Variants in LRRN2 observed in about 807,000 individuals in gnomAD.
LRRN2 encodes the protein leucine-rich repeat neuronal protein 2.
In LRRN2, 10 loss-of-function variants were observed where a neutral mutation model predicts 35.7. The ratio of observed to expected loss-of-function variants is 0.28; its 90% CI spans 0.17 to 0.47. LRRN2 has a LOEUF of 0.47. Ranked by LOEUF, LRRN2 falls within the 20% of genes least tolerant of loss-of-function variation. The pLI is 0.99. For synonymous variants in LRRN2, 391 were observed against 409.6 expected, an observed-to-expected ratio of 0.95 and a Z score of 0.55; for missense variants, 731 against 940.3, an observed-to-expected ratio of 0.78 and a Z score of 2.91.
At chr1:204,624,420 C>T (rs1010173248) in intron 1 of LRRN2, among the ~76,000 whole-genome samples, 5 of 152,142 alleles carry the variant, frequency 3.3e-5, no homozygotes, top group African/African-American at 1.2e-4. Flanking sequence ...GCCCTAGAGC[C>T]GTATTCCAAG....
In LRRN2 at chr1:204,618,377, TA is replaced by T; in HGVS notation, c.1615del (p.Tyr539IlefsTer87). On this transcript the variant is annotated frameshift_variant, in exon 2 of 2. Transcript: ENST00000367177. LOFTEE classifies it high-confidence loss of function. ...LELRVQETHP[Y>X]HILLSWVTPP... ...GGTGACCCAAGATAGCAGGATGTGATAGGGGTGGGTCTCCTGCACCCGGAGC... is the reference window on the plus strand; with the variant it reads ...GGTGACCCAAGATAGCAGGATGTGATGGGGTGGGTCTCCTGCACCCGGAGC... The T allele has an allele frequency of 1.2e-6, 2 of 1,608,652 alleles. No individual in the cohort carries two copies. Among genetic ancestry groups the T allele is most frequent in the Non-Finnish European group, 8.5e-7 (1 of 1,176,668 alleles).
chr1:204,657,334 GTA>G (rs79698374), intron 1 of LRRN2, among the ~76,000 whole-genome samples: 19 of 124,932 alleles, frequency 1.5e-4, no homozygotes, highest in Admixed American at 3.9e-4. Context: ...CTATATATAT[GTA>G]TATATACACA....
intron 1 of LRRN2, among the ~76,000 whole-genome samples, chr1:204,671,438 T>TGTGTGTGTGTGTG (rs71147711): frequency 1.3e-5 from 2 of 148,778 alleles, no homozygotes; most frequent in African/African-American, 2.5e-5. Context: ...TGTGTGTGTG[T>TGTGTGTGTGTGTG]CCCAGCGGGT....
At chr1:204,621,381 C>T (rs1312770979) in intron 1 of LRRN2, 2 of 167,260 alleles carry the variant, frequency 1.2e-5, no homozygotes, top group Admixed American at 6.5e-5. Context: ...TTCTTCAACG[C>T]TCAACTTTAA....
intron 1 of LRRN2, among the ~76,000 whole-genome samples, chr1:204,630,619 T>G (rs1571642085): frequency 6.6e-6 from 1 of 151,382 alleles, no homozygotes; most frequent in Non-Finnish European, 1.5e-5. Context: ...GAGGCCCGGG[T>G]TTGTCTTTCC....
At chr1:204,635,633 G>A (rs775056123) in intron 1 of LRRN2, among the ~76,000 whole-genome samples, 2 of 152,194 alleles carry the variant, frequency 1.3e-5, no homozygotes, top group Non-Finnish European at 2.9e-5. Flanking sequence ...TCCCAGAACC[G>A]TTCATCTTAA....
chr1:204,619,630 G>C lies in LRRN2; in HGVS notation c.363C>G (p.Ser121Arg). The change falls in exon 2 of 2, where the codon AGC becomes AGG. Residue 121 changes from serine (S) to arginine (R), a missense_variant. Coordinates refer to ENST00000367177, the MANE Select transcript of LRRN2 (RefSeq NM_201630.2). ...CDFHALPQLL[S>R]LHLEENQLTR... ...TCAGCTGGTTCTCCTCTAGGTGCAGGCTCAGCAGCTGGGGCAGGGCATGGA... is the reference window on the plus strand; with the variant it reads ...TCAGCTGGTTCTCCTCTAGGTGCAGCCTCAGCAGCTGGGGCAGGGCATGGA... The C allele has an allele frequency of 6.2e-7, 1 of 1,614,222 alleles. No individual in the cohort carries two copies. Among genetic ancestry groups the C allele is most frequent in the South Asian group, 1.1e-5 (1 of 91,084 alleles).
chr1:204,644,656 G>T (rs543637385), intron 1 of LRRN2, among the ~76,000 whole-genome samples: 10 of 152,154 alleles, frequency 6.6e-5, no homozygotes, highest in Non-Finnish European at 1.2e-4. Context: ...CCCTAGTTTA[G>T]CATGAGCCAT....
rs369686045 is a variant in LRRN2, at chr1:204,619,241, C to T, written c.752G>A (p.Arg251Gln). 2.9e-5 allele frequency: 46 copies of T among 1,613,996 alleles called. No homozygotes were observed. The highest frequency in any genetic ancestry group is 5.3e-5 in the African/African-American group (4 of 74,924). The change falls in exon 2 of 2, where the codon CGG (arginine) becomes CAG (glutamine). Residue 251 changes from arginine (R) to glutamine (Q), a missense_variant. This residue lies in a region of LRRN2 where 256 missense variants were observed against 392.4 expected (regional missense o/e 0.65). Transcript: ENST00000367177. ...CTGTTCCAGTGCCCGCCTGGGCACC[C>T]GGGCCAGCTGGTTGTCATAGAAGGA... ...SLSFYDNQLA[R>Q]VPRRALEQVP...
rs146616064 is a variant in LRRN2, at chr1:204,624,543, T to C, written c.-226-4325A>G. 1.5e-3 allele frequency among the ~76,000 whole-genome samples: 223 copies of C among 152,354 alleles called. 3 individuals are homozygous for C. Among genetic ancestry groups the C allele is most frequent in the Middle Eastern group, 3.4e-3 (1 of 294 alleles). Reference sequence around the variant, plus strand: ...CTGTTTCTGTGGATTTAGCGGAAACTGTGGAATTAATCCACAATGCCCCTG... The same window carrying C: ...CTGTTTCTGTGGATTTAGCGGAAACCGTGGAATTAATCCACAATGCCCCTG... On this transcript the variant is annotated intron_variant, in intron 1 of 1. Transcript: ENST00000367177.
chr1:204,620,112 T>A lies in LRRN2; in HGVS notation c.-120A>T. 6.8e-7 allele frequency: 1 copy of A among 1,476,072 alleles called. No individual in the cohort carries two copies. Among genetic ancestry groups the A allele is most frequent in the Non-Finnish European group, 9.0e-7 (1 of 1,111,858 alleles). The allele number at this position is 1,476,072 out of a possible 1,614,324, so 91.4% of individuals were successfully genotyped here. ...CCAAGGAACCACCCTCCCAGGGCAGTCATTCTACACCGGGCGTCACTTCTT... is the reference window on the plus strand; with the variant it reads ...CCAAGGAACCACCCTCCCAGGGCAGACATTCTACACCGGGCGTCACTTCTT... On this transcript the variant is annotated 5_prime_UTR_variant, in exon 2 of 2. Transcript: ENST00000367177.
chr1:204,644,962 T>C (rs1024222053), intron 1 of LRRN2, among the ~76,000 whole-genome samples: 1 of 152,180 alleles, frequency 6.6e-6, no homozygotes, highest in Non-Finnish European at 1.5e-5. Context: ...AGAGGACTGA[T>C]AGGCTCATCC....
chr1:204,631,711 G>T (rs1386647218), intron 1 of LRRN2, among the ~76,000 whole-genome samples: 1 of 152,084 alleles, frequency 6.6e-6, no homozygotes, highest in African/African-American at 2.4e-5. Flanking sequence ...ATTCACAGGG[G>T]TAGTGTTGCT....
chr1:204,669,271 G>A (rs1029298901), intron 1 of LRRN2, among the ~76,000 whole-genome samples: 1 of 152,186 alleles, frequency 6.6e-6, no homozygotes, highest in Non-Finnish European at 1.5e-5. Context: ...GCAGGAGTAT[G>A]GTCTTCTGGT....
intron 1 of LRRN2, among the ~76,000 whole-genome samples, chr1:204,677,630 A>C (rs1167888274): frequency 1.3e-5 from 2 of 152,204 alleles, no homozygotes; most frequent in Non-Finnish European, 2.9e-5. Context: ...CATGGAGCCT[A>C]AGGGAATTCC....
At chr1:204,653,629 G>A (rs1001341614) in intron 1 of LRRN2, among the ~76,000 whole-genome samples, 13 of 152,174 alleles carry the variant, frequency 8.5e-5, no homozygotes, top group Non-Finnish European at 1.9e-4. Context: ...GGGAGGCAGA[G>A]GCAGGAGGAT....
intron 1 of LRRN2, among the ~76,000 whole-genome samples, chr1:204,636,239 C>T (rs1163326319): frequency 2.0e-5 from 3 of 152,150 alleles, no homozygotes; most frequent in African/African-American, 4.8e-5. Flanking sequence ...GAAACAGACG[C>T]GGCTTCTGTA....
chr1:204,619,932 G>C lies in LRRN2; in HGVS notation c.61C>G (p.Pro21Ala), dbSNP rs1478306908. The part of the protein sequence containing the change: ...AWVAGATAAV[P>A]VVPWHVPCPP... The stretch of plus-strand genomic sequence containing the variant: ...CAGGGAACATGCCAGGGTACCACGG[G>C]CACAGCGGCAGTGGCACCAGCCACC... Residue 21 changes from proline (P) to alanine (A), a missense_variant, in exon 2 of 2, where the codon CCC becomes GCC. Coordinates refer to ENST00000367177, the MANE Select transcript of LRRN2 (RefSeq NM_201630.2). The C allele has an allele frequency of 1.9e-6, 3 of 1,613,340 alleles. No individual in the cohort carries two copies. The Admixed American group carries it at 5.0e-5, about 27-fold the overall frequency.
intron 1 of LRRN2, among the ~76,000 whole-genome samples, chr1:204,638,504 T>C (rs756554156): frequency 5.8e-5 from 8 of 138,316 alleles, no homozygotes; most frequent in Non-Finnish European, 1.1e-4. Flanking sequence ...CTCCGCCCTC[T>C]AGGTTTAAGC....
Sources: allele counts gnomAD v4.1 joint callset (sites outside exome capture counted in the v4.1 genomes callset), GRCh38; gene constraint gnomAD v4.1.1; regional missense constraint gnomAD v4.1.1; transcripts MANE v1.5; gene names NCBI Gene and HGNC (gene_info 2026-07-23, HGNC 2026-07-21).